Variants in ZNF534 observed in about 807,000 individuals in gnomAD.
The protein encoded by ZNF534 is KRAB domain only 3.
ZNF534 carries 19 observed loss-of-function variants against 13.6 expected under a neutral mutation model. That is an observed-to-expected ratio of 1.40 (90% CI 0.97 to 2.05). The LOEUF (loss-of-function observed/expected upper bound fraction) is 2.05. Among genes scored for constraint, ZNF534 ranks in the 30% most tolerant of loss-of-function variants. The probability of loss-of-function intolerance (pLI) is 0.00; values close to 1 mark genes in which losing one functional copy is unlikely to be tolerated. For missense variants in ZNF534, 782 were observed against 796.3 expected, an observed-to-expected ratio of 0.98 and a Z score of 0.22; for synonymous variants, 244 against 273.8, an observed-to-expected ratio of 0.89 and a Z score of 1.07.
rs1163334850 is a variant in ZNF534 at position 52,439,410 on chromosome 19, A to G, written c.1950A>G (p.Val650=). ...GKVFSKNSIL[V]QHCSIHTREK... ...TCTTTAGTAAAAATTCCATCCTAGTACAACATTGCAGTATTCATACCAGAG... is the reference window on the plus strand; with the variant it reads ...TCTTTAGTAAAAATTCCATCCTAGTGCAACATTGCAGTATTCATACCAGAG... The change falls in exon 5 of 5, where the codon GTA becomes GTG. Residue 650 remains valine (V), a synonymous_variant. Coordinates refer to ENST00000433050, the MANE Select transcript of ZNF534 (RefSeq NM_001143938.3). The G allele has an allele frequency of 5.2e-6, 8 of 1,545,810 alleles. No individual in the cohort carries two copies. Among genetic ancestry groups the G allele is most frequent in the Non-Finnish European group, 6.1e-6 (7 of 1,143,742 alleles).
In ZNF534 at chr19:52,438,949, A is replaced by G. The variant is rs1207660016; in HGVS notation, c.1489A>G (p.Asn497Asp). 1.2e-6 allele frequency: 2 copies of G among 1,604,590 alleles called. No homozygotes were observed. The highest frequency in any genetic ancestry group is 2.3e-5 in the East Asian group (1 of 44,356). Residue 497 changes from asparagine to aspartate, a missense_variant, in exon 5 of 5, where the codon AAT becomes GAT. Asn to Asp is a conservative substitution (Grantham distance 23, BLOSUM62 1). Coordinates refer to ENST00000433050, the MANE Select transcript of ZNF534 (RefSeq NM_001143938.3). ...IHTGEKLYKC[N>D]ECGKVFRQNS... ...TACTGGAGAGAAGCTTTACAAATGT[A>G]ATGAATGTGGCAAGGTCTTCCGTCA...
At chr19:52,433,018 G>T (rs563226801) in intron 2 of ZNF534, among the ~76,000 whole-genome samples, 1 of 152,094 alleles carries the variant, frequency 6.6e-6, no homozygotes, top group East Asian at 1.9e-4. Flanking sequence ...TGAGGTGGGA[G>T]GATCACTTGA....
chr19:52,448,265 C>T (rs10403416), intron 4 of ZNF534, among the ~76,000 whole-genome samples: 2,711 of 151,920 alleles, frequency 0.018, 75 homozygotes, highest in African/African-American at 0.063. Flanking sequence ...AAATACAAAA[C>T]AATTAGCCTG....
In ZNF534 at chr19:52,438,385, G is replaced by T; in HGVS notation, c.925G>T (p.Val309Leu). 1 of 1,613,172 alleles carries T rather than the reference G, an allele frequency of 6.2e-7. No individual in the cohort carries two copies. Among genetic ancestry groups the T allele is most frequent in the Non-Finnish European group, 8.5e-7 (1 of 1,179,486 alleles). The change falls in exon 5 of 5, where the codon GTG becomes TTG. Residue 309 changes from valine to leucine, a missense_variant. Coordinates refer to ENST00000433050, the MANE Select transcript of ZNF534 (RefSeq NM_001143938.3). ...TAGTGAATGTGGCAAAGCATTTAGT[G>T]TGTGTTCCAGTCTTACTGCTCATCT... is the stretch of plus-strand genomic sequence containing the variant. ...KCSECGKAFSVCSSLTAHLVI... is the reference protein window; with the variant it reads ...KCSECGKAFSLCSSLTAHLVI...
At chr19:52,450,749 C>A (rs551051845) in intron 4 of ZNF534, among the ~76,000 whole-genome samples, 1 of 128,992 alleles carries the variant, frequency 7.8e-6, no homozygotes. Context: ...TGCAGTAGTG[C>A]GATTTCAGCT....
At chr19:52,449,315 T>C (rs1248639692) in intron 4 of ZNF534, among the ~76,000 whole-genome samples, 2 of 151,974 alleles carry the variant, frequency 1.3e-5, no homozygotes, top group African/African-American at 2.4e-5. Context: ...TAAACATGGG[T>C]GTGCAGATAT....
At chr19:52,451,385 G>A (rs1244372452) in exon 5 of ZNF534, 10 of 837,514 alleles carry the variant, frequency 1.2e-5, no homozygotes, top group African/African-American at 1.7e-5. Context: ...GCAGAGGGCC[G>A]AGGCCACGGG....
At chr19:52,448,248 C>G (rs968675412) in intron 4 of ZNF534, among the ~76,000 whole-genome samples, 8 of 151,996 alleles carry the variant, frequency 5.3e-5, no homozygotes, top group Non-Finnish European at 1.2e-4. Flanking sequence ...AACCCCATCT[C>G]TACTAAAAAT....
intron 3 of ZNF534, 94 bp from the exon 4 acceptor site, chr19:52,434,987 T>A: frequency 7.1e-7 from 1 of 1,415,340 alleles, no homozygotes; most frequent in Non-Finnish European, 9.4e-7. Context: ...ATATTATTCT[T>A]GATTAATTTG....
At chr19:52,443,980 C>T (rs543946634), downstream of ZNF534, among the ~76,000 whole-genome samples, 2 of 151,966 alleles carry the variant, frequency 1.3e-5, no homozygotes, top group African/African-American at 4.8e-5. Context: ...AATAACTGAC[C>T]TTCTGAATTA....
rs1474340143 is a variant in ZNF534, at chr19:52,441,239, G to C, written c.*1793G>C. 6.6e-6 allele frequency among the ~76,000 whole-genome samples: 1 copy of C among 152,158 alleles called. No individual in the cohort carries two copies. Among genetic ancestry groups the C allele is most frequent in the Non-Finnish European group, 1.5e-5 (1 of 68,028 alleles). Reference sequence around the variant, plus strand: ...TATGAATATATGGAATGTACTCCAGGCATGGTGGCTCACACCTATAATCCC... The same window carrying C: ...TATGAATATATGGAATGTACTCCAGCCATGGTGGCTCACACCTATAATCCC... On this transcript the variant is annotated 3_prime_UTR_variant, in exon 5 of 5. Coordinates refer to ENST00000433050, the MANE Select transcript of ZNF534 (RefSeq NM_001143938.3).
At chr19:52,436,288 A>G (rs2059128510) in intron 4 of ZNF534, among the ~76,000 whole-genome samples, 1 of 152,076 alleles carries the variant, frequency 6.6e-6, no homozygotes, top group South Asian at 2.1e-4. Context: ...TTCTACCCTG[A>G]AGATACCTGC....
exon 5 of ZNF534, chr19:52,451,403 G>T: frequency 1.3e-6 from 1 of 764,422 alleles, no homozygotes; most frequent in Non-Finnish European, 2.3e-6. Flanking sequence ...GGGACTCTCA[G>T]GGCCGGGCCC....
At chr19:52,451,301 C>T (rs1277374072) in exon 5 of ZNF534, 2 of 1,108,344 alleles carry the variant, frequency 1.8e-6, no homozygotes, top group Non-Finnish European at 2.7e-6. Context: ...TCCCCTCTGC[C>T]CTCGCCCCTC....
intron 4 of ZNF534, among the ~76,000 whole-genome samples, chr19:52,449,439 A>G (rs2608534): frequency 0.92 from 138,950 of 151,854 alleles, 63,924 homozygotes; most frequent in Non-Finnish European, 0.96. Context: ...AGTTTATTGA[A>G]GAACATCCAT....
At chr19:52,435,977 C>T (rs1312273245) in intron 4 of ZNF534, among the ~76,000 whole-genome samples, 3 of 145,430 alleles carry the variant, frequency 2.1e-5, no homozygotes, top group African/African-American at 8.0e-5. Context: ...CACTCTGTCA[C>T]CCAGGCTGGA....
rs1445767658 is a variant in ZNF534 at position 52,437,985 on chromosome 19, A to G, written c.525A>G (p.Gln175=). ...NDFLFSTLLP[Q]EQKVHIREKP... is the part of the protein sequence containing the mutation. ...TTCTTTTTTCTACATTACTCCCACA[A>G]GAACAGAAAGTACACATTAGGGAAA... is the stretch of plus-strand genomic sequence containing the variant. Residue 175 remains glutamine (Q), a synonymous_variant, in exon 5 of 5, where the codon CAA becomes CAG. Transcript: ENST00000433050. 1 of 1,614,102 alleles carries G rather than the reference A, an allele frequency of 6.2e-7. No individual in the cohort carries two copies. The highest frequency in any genetic ancestry group is 8.5e-7 in the Non-Finnish European group (1 of 1,180,014).
chr19:52,448,656 G>A (rs1041409074), intron 4 of ZNF534, among the ~76,000 whole-genome samples: 3 of 152,106 alleles, frequency 2.0e-5, no homozygotes, highest in Non-Finnish European at 4.4e-5. Context: ...ATATAATCAG[G>A]TAAGAACACA....
chr19:52,447,765 C>T (rs986102635), intron 4 of ZNF534, among the ~76,000 whole-genome samples: 2 of 152,080 alleles, frequency 1.3e-5, no homozygotes, highest in Admixed American at 1.3e-4. Context: ...GCCTTCCATC[C>T]TCAAATAAAC....
Sources: allele counts gnomAD v4.1 joint callset (sites outside exome capture counted in the v4.1 genomes callset), GRCh38; gene constraint gnomAD v4.1.1; transcripts MANE v1.5; gene names NCBI Gene and HGNC (gene_info 2026-07-23, HGNC 2026-07-21).